The following SH3BP5 variants were observed in gnomAD, a reference collection of about 807,000 sequenced individuals.
SH3BP5 encodes SH3 domain-binding protein 5.
A neutral mutation model predicts 43.3 loss-of-function variants in SH3BP5; 22 were observed. The ratio of observed to expected loss-of-function variants is 0.51; its 90% confidence interval spans 0.36 to 0.73. SH3BP5 has a LOEUF of 0.73. SH3BP5 is among the 30% of genes least tolerant of loss of function. SH3BP5 has a pLI of 0.00. For missense variants in SH3BP5, 529 were observed against 586.9 expected, an observed-to-expected ratio of 0.90 and a Z score of 1.02; for synonymous variants, 255 against 225.8, an observed-to-expected ratio of 1.13 and a Z score of -1.16.
chr3:15,269,507 G>A (rs946033031), intron 4 of SH3BP5, among the ~76,000 whole-genome samples: 2 of 152,054 alleles, frequency 1.3e-5, no homozygotes, highest in Non-Finnish European at 2.9e-5. Context: ...AGCAGCTCTC[G>A]CTGTCACGGA....
upstream of SH3BP5, among the ~76,000 whole-genome samples, chr3:15,337,527 T>C (rs1410956032): frequency 6.6e-6 from 1 of 152,222 alleles, no homozygotes; most frequent in African/African-American, 2.4e-5. Context: ...CCCTACTATA[T>C]GCATACACTA....
At chr3:15,282,379 C>G (rs1207711528) in intron 3 of SH3BP5, among the ~76,000 whole-genome samples, 1 of 152,110 alleles carries the variant, frequency 6.6e-6, no homozygotes, top group Non-Finnish European at 1.5e-5. Context: ...CTTTTGCTAT[C>G]TTATTTATTG....
In SH3BP5 at chr3:15,302,584, C is replaced by T. The variant is rs1028342369; in HGVS notation, c.330+1519G>A. ...GAACTCCCAAAGCAGCAAGGGGCTC[C>T]CTTGAAGAGAAATGAGAGGTGCATG... is the stretch of plus-strand genomic sequence containing the variant. On this transcript the variant is annotated intron_variant, in intron 3 of 8. Transcript: ENST00000383791. Among the ~76,000 whole-genome samples the T allele has an allele frequency of 4.7e-4, 72 of 152,022 alleles. 3 individuals carry two copies. Among genetic ancestry groups the T allele is most frequent in the Non-Finnish European group, 4.4e-5 (3 of 68,004 alleles).
chr3:15,302,029 CTT>C (rs1387898010), intron 3 of SH3BP5, among the ~76,000 whole-genome samples: 1 of 152,146 alleles, frequency 6.6e-6, no homozygotes, highest in Non-Finnish European at 1.5e-5. Context: ...GTGTTAAAGA[CTT>C]TCAGGAAAGG....
At chr3:15,314,689 C>T (rs1365194333) in intron 2 of SH3BP5, among the ~76,000 whole-genome samples, 2 of 152,122 alleles carry the variant, frequency 1.3e-5, no homozygotes, top group African/African-American at 4.8e-5. Flanking sequence ...ACTAGAAGAC[C>T]CAGGTGAAAC....
At position 15,262,232 on chromosome 3, in the gene SH3BP5, C is replaced by T; in HGVS notation, c.553G>A (p.Ala185Thr). Residue 185 changes from alanine (A) to threonine (T), a missense_variant, in exon 5 of 9, where the codon GCC (alanine) becomes ACC (threonine). This residue lies in a region of SH3BP5 where 369 missense variants were observed against 384.3 expected (regional missense o/e 0.96). Coordinates refer to ENST00000383791, the MANE Select transcript of SH3BP5 (RefSeq NM_004844.5). ...CGGCCCATGGCGGCATTGTACCTGGCTGCCGTCTCCTTATGCACCAGCTCG... is the reference window on the plus strand; with the variant it reads ...CGGCCCATGGCGGCATTGTACCTGGTTGCCGTCTCCTTATGCACCAGCTCG... ...RSELVHKETA[A>T]RYNAAMGRMR... is the part of the protein sequence containing the mutation. 1 of 1,614,226 alleles carries T rather than the reference C, an allele frequency of 6.2e-7. No individual in the cohort carries two copies. Among genetic ancestry groups the T allele is most frequent in the Non-Finnish European group, 8.5e-7 (1 of 1,180,038 alleles).
chr3:15,277,807 C>A (rs777419610), intron 3 of SH3BP5, among the ~76,000 whole-genome samples: 85 of 144,718 alleles, frequency 5.9e-4, no homozygotes, highest in Non-Finnish European at 1.1e-3. Context: ...GCTCAGTATG[C>A]ATACACCCCC....
intron 2 of SH3BP5, among the ~76,000 whole-genome samples, chr3:15,305,899 A>AG (rs113488120): frequency 6.6e-6 from 1 of 151,696 alleles, no homozygotes; most frequent in African/African-American, 2.4e-5. Context: ...GTATAAGGAG[A>AG]GAAAAAAAAA....
chr3:15,311,907 C>T (rs547932705), intron 2 of SH3BP5, among the ~76,000 whole-genome samples: 162 of 152,210 alleles, frequency 1.1e-3, no homozygotes, highest in African/African-American at 3.6e-3. Flanking sequence ...TGGGCTCAAG[C>T]GATTCTCCTG....
intron 2 of SH3BP5, among the ~76,000 whole-genome samples, chr3:15,305,364 T>C (rs1469954043): frequency 6.6e-6 from 1 of 152,132 alleles, no homozygotes; most frequent in Non-Finnish European, 1.5e-5. Context: ...AAACACTGAG[T>C]GCAAATTTAT....
rs553913799 is a variant in SH3BP5 at position 15,265,719 on chromosome 3, T to G, written c.496-3430A>C. Among the ~76,000 whole-genome samples the G allele has an allele frequency of 1.9e-4, 29 of 151,918 alleles. No individual in the cohort carries two copies. The South Asian group carries it at 6.1e-3, about 32-fold the overall frequency. Reference sequence around the variant, plus strand: ...CATGAGCTGTGTGCAGTGATGTGGGTCAGGTGTGGTGGGATAAGTAAGGAG... The same window carrying G: ...CATGAGCTGTGTGCAGTGATGTGGGGCAGGTGTGGTGGGATAAGTAAGGAG... On this transcript the variant is annotated intron_variant, in intron 4 of 8. Transcript: ENST00000383791.
intron 4 of SH3BP5, among the ~76,000 whole-genome samples, chr3:15,265,635 G>A (rs1271137607): frequency 2.0e-5 from 3 of 151,086 alleles, no homozygotes; most frequent in South Asian, 2.1e-4. Flanking sequence ...TAAGCATGTC[G>A]CCTTGGTTAT....
In SH3BP5 at chr3:15,332,402, C is replaced by T. The variant is rs1268533810; in HGVS notation, c.7G>A (p.Ala3Thr). 2.6e-6 allele frequency: 4 copies of T among 1,534,944 alleles called. No homozygotes were observed. Among genetic ancestry groups the T allele is most frequent in the African/African-American group, 1.4e-5 (1 of 72,934 alleles). Reference sequence around the variant, plus strand: ...TCCGAGCGGCTCCGCTTCAGTGCCGCGTCCATGCAGGCAGCCGGCACGCGC... The same window carrying T: ...TCCGAGCGGCTCCGCTTCAGTGCCGTGTCCATGCAGGCAGCCGGCACGCGC... Reference protein sequence around the residue: MDAALKRSRSEEP... With the variant: MDTALKRSRSEEP... Residue 3 changes from alanine to threonine, a missense_variant, in exon 1 of 9, where the codon GCG (alanine) becomes ACG (threonine). This residue lies in a region of SH3BP5 where 75 missense variants were observed against 61.8 expected (regional missense o/e 1.21). Transcript: ENST00000383791.
intron 4 of SH3BP5, among the ~76,000 whole-genome samples, chr3:15,264,047 A>G (rs1001544160): frequency 3.3e-5 from 5 of 152,228 alleles, no homozygotes; most frequent in East Asian, 3.8e-4. Flanking sequence ...AAGGTTGCCA[A>G]TGTTCTACCA....
intron 2 of SH3BP5, among the ~76,000 whole-genome samples, chr3:15,314,277 G>T (rs1290191914): frequency 6.6e-6 from 1 of 151,770 alleles, no homozygotes; most frequent in Non-Finnish European, 1.5e-5. Flanking sequence ...GCTAGTGGCT[G>T]CCCTATTGCA....
At chr3:15,256,829 C>T (rs369150436) in intron 8 of SH3BP5, 24 bp downstream of exon 8, 81 of 1,586,796 alleles carry the variant, frequency 5.1e-5, no homozygotes, top group Admixed American at 1.0e-4. Flanking sequence ...GCATCTGGGA[C>T]GGGGTGAGAA....
upstream of SH3BP5, among the ~76,000 whole-genome samples, chr3:15,337,121 G>A (rs1464511575): frequency 6.7e-5 from 9 of 134,922 alleles, no homozygotes; most frequent in South Asian, 7.2e-4. Context: ...ACAGAGTCGC[G>A]CTATGTCACC....
intron 4 of SH3BP5, among the ~76,000 whole-genome samples, chr3:15,267,703 G>A (rs767867772): frequency 6.6e-6 from 1 of 152,154 alleles, no homozygotes; most frequent in East Asian, 1.9e-4. Context: ...TCCAAAAAGC[G>A]CTATTCCCAA....
chr3:15,256,753 C>G, intron 8 of SH3BP5, 100 bp downstream of exon 8: 1 of 1,349,342 alleles, frequency 7.4e-7, no homozygotes, highest in Non-Finnish European at 1.0e-6. Context: ...GGTAATGCAG[C>G]ATGGGGGCCC....
Sources: gnomAD v4.1 joint callset for allele counts (sites outside exome capture counted in the v4.1 genomes callset) on GRCh38, gnomAD v4.1.1 for gene constraint, gnomAD v4.1.1 regional missense constraint, MANE v1.5 for transcripts, NCBI Gene and HGNC (gene_info 2026-07-23, HGNC 2026-07-21) for gene names.